The following HECW2 variants were observed in gnomAD, a reference collection of about 807,000 sequenced individuals.
HECW2 encodes the protein HECT, C2 and WW domain containing E3 ubiquitin protein ligase 2, also known as E3 ubiquitin-protein ligase HECW2.
In HECW2, 61 loss-of-function variants were observed where a neutral mutation model predicts 175.2. That is an observed-to-expected ratio of 0.35 (90% confidence interval 0.28 to 0.43). The LOEUF (loss-of-function observed/expected upper bound fraction) is 0.43, where lower values mean the gene tolerates loss of function less well. Among genes scored for constraint, HECW2 ranks in the 20% least tolerant of loss-of-function variants. HECW2 has a pLI of 1.00. For missense variants in HECW2, 1,524 were observed against 2,000.5 expected (o/e 0.76, Z 4.54); for synonymous variants, 671 against 731.0 (o/e 0.92, Z 1.32).
intron 1 of HECW2, among the ~76,000 whole-genome samples, chr2:196,529,736 A>G (rs1230563946): frequency 1.3e-5 from 2 of 152,248 alleles, no homozygotes; most frequent in Non-Finnish European, 2.9e-5. Flanking sequence ...AACAATTTGG[A>G]AAGCACCTGA....
chr2:196,299,460 A>G (rs1690949407), intron 13 of HECW2, among the ~76,000 whole-genome samples: 4 of 152,194 alleles, frequency 2.6e-5, no homozygotes, highest in Admixed American at 2.6e-4. Context: ...TCTTTATCCT[A>G]GGAGTTCCCA....
At chr2:196,336,302 T>C (rs1338786757) in intron 3 of HECW2, among the ~76,000 whole-genome samples, 1 of 152,246 alleles carries the variant, frequency 6.6e-6, no homozygotes, top group South Asian at 2.1e-4. Flanking sequence ...ACTTGCTTTT[T>C]TCCAAGACGA....
chr2:196,409,535 T>G (rs951286920), intron 2 of HECW2, among the ~76,000 whole-genome samples: 1 of 152,208 alleles, frequency 6.6e-6, no homozygotes, highest in African/African-American at 2.4e-5. Flanking sequence ...TGTTTCAGTC[T>G]GATGCATTTG....
At chr2:196,367,567 C>T (rs1203693505) in intron 2 of HECW2, among the ~76,000 whole-genome samples, 1 of 152,108 alleles carries the variant, frequency 6.6e-6, no homozygotes, top group African/African-American at 2.4e-5. Flanking sequence ...GTTGTGCTAC[C>T]AAATGCTAGA....
chr2:196,336,214 T>C (rs1463705619), intron 3 of HECW2, among the ~76,000 whole-genome samples: 1 of 152,210 alleles, frequency 6.6e-6, no homozygotes, highest in East Asian at 1.9e-4. Flanking sequence ...CAAATGACTT[T>C]CCTGAACACA....
chr2:196,573,248 CA>C (rs113834036), intron 1 of HECW2, among the ~76,000 whole-genome samples: 10,587 of 76,954 alleles, frequency 0.14, 1,150 homozygotes, highest in African/African-American at 0.36. Flanking sequence ...GAATGCTGAC[CA>C]AAAAAAAAAA....
At position 196,319,106 on chromosome 2, in the gene HECW2, A is replaced by G. The variant is rs1691831224; in HGVS notation, c.1784T>C (p.Val595Ala). Residue 595 changes from valine to alanine, a missense_variant, in exon 9 of 29, where the codon GTC becomes GCC. Val to Ala is a moderately conservative substitution (Grantham distance 64). Around this residue, in one of 11 missense-constraint regions of HECW2, gnomAD observed 604 missense variants for 588.3 expected, o/e 1.03. Transcript: ENST00000644978. ...SDASGGSRRA[V>A]SETESLDQGS... Reference sequence around the variant, plus strand: ...CTGATCGAGAGACTCGGTCTCACTGACGGCTCTTCGGCTTCCTCCTGATGC... The same window carrying G: ...CTGATCGAGAGACTCGGTCTCACTGGCGGCTCTTCGGCTTCCTCCTGATGC... The G allele has an allele frequency of 1.3e-6, 2 of 1,596,628 alleles. No individual in the cohort carries two copies. The highest frequency in any genetic ancestry group is 2.3e-5 in the South Asian group (2 of 87,982).
intron 2 of HECW2, among the ~76,000 whole-genome samples, chr2:196,429,215 T>C (rs1212231215): frequency 6.6e-6 from 1 of 150,636 alleles, no homozygotes; most frequent in African/African-American, 2.5e-5. Flanking sequence ...TGGATTAGCA[T>C]ACAAGTTTAG....
intron 19 of HECW2, among the ~76,000 whole-genome samples, chr2:196,251,181 C>T (rs112627051): frequency 0.016 from 2,452 of 152,242 alleles, 70 homozygotes; most frequent in African/African-American, 0.055. Flanking sequence ...GCTGGGACTT[C>T]CTGAGCCCTT....
chr2:196,533,474 T>G lies in HECW2; in HGVS notation c.-36+60034A>C, dbSNP rs552940786. 4.3e-3 allele frequency among the ~76,000 whole-genome samples: 651 copies of G among 151,636 alleles called. 3 individuals carry two copies. Among genetic ancestry groups the G allele is most frequent in the Non-Finnish European group, 6.3e-3 (425 of 67,740 alleles). ...GAGACTACTCATCTTTTTTTGTGTG[T>G]GTGGGGGGGTATCTTTTATCTAATT... On this transcript the variant is annotated intron_variant, in intron 1 of 28. Coordinates refer to ENST00000644978, the MANE Select transcript of HECW2 (RefSeq NM_001348768.2).
In HECW2 at chr2:196,317,378, A is replaced by C; in HGVS notation, c.2339-9T>G. 6.3e-7 allele frequency: 1 copy of C among 1,593,240 alleles called. No homozygotes were observed. The highest frequency in any genetic ancestry group is 1.1e-5 in the South Asian group (1 of 89,058). On this transcript the variant is annotated splice_polypyrimidine_tract_variant and intron_variant, in intron 9 of 28. Coordinates refer to ENST00000644978, the MANE Select transcript of HECW2 (RefSeq NM_001348768.2). ...GCCGTTGGCTTGAGAACCTAGGATT[A>C]AAGGTAGAAAGTTACCAGGTATTGT... is the stretch of plus-strand genomic sequence containing the variant.
chr2:196,383,688 G>T (rs1270109916), intron 2 of HECW2, among the ~76,000 whole-genome samples: 1 of 152,206 alleles, frequency 6.6e-6, no homozygotes, highest in Non-Finnish European at 1.5e-5. Context: ...CCTCAGTGGG[G>T]CAGTGACAGT....
chr2:196,326,763 C>T (rs541468797), intron 5 of HECW2, among the ~76,000 whole-genome samples: 34 of 152,170 alleles, frequency 2.2e-4, no homozygotes, highest in African/African-American at 6.7e-4. Context: ...AAATATATAG[C>T]AAGATCTTTG....
chr2:196,573,881 CAGTG>C (rs1559182757), intron 1 of HECW2, among the ~76,000 whole-genome samples: 1 of 151,100 alleles, frequency 6.6e-6, no homozygotes, highest in Non-Finnish European at 1.5e-5. Context: ...AAAAAAAAAA[CAGTG>C]AGAAATAATA....
intron 2 of HECW2, among the ~76,000 whole-genome samples, chr2:196,354,945 G>T (rs561793074): frequency 5.9e-5 from 9 of 152,278 alleles, no homozygotes; most frequent in African/African-American, 2.2e-4. Context: ...TCTTGACAAG[G>T]ATTTTCAGAA....
At chr2:196,358,585 C>CAAAAAAAAAAAAAAAA (rs144181608) in intron 2 of HECW2, among the ~76,000 whole-genome samples, 1 of 67,330 alleles carries the variant, frequency 1.5e-5, no homozygotes, top group African/African-American at 6.3e-5. Flanking sequence ...GACTCTGTCT[C>CAAAAAAAAAAAAAAAA]AAAAAAAAAA....
At chr2:196,499,674 T>C (rs1687513250) in intron 1 of HECW2, among the ~76,000 whole-genome samples, 1 of 152,176 alleles carries the variant, frequency 6.6e-6, no homozygotes, top group Non-Finnish European at 1.5e-5. Flanking sequence ...TTCAATTAAA[T>C]TCTGGGACTT....
intron 1 of HECW2, among the ~76,000 whole-genome samples, chr2:196,482,733 A>G (rs1270562169): frequency 6.6e-6 from 1 of 152,222 alleles, no homozygotes; most frequent in East Asian, 1.9e-4. Context: ...CGCATGCTCC[A>G]CTGTCCTATT....
intron 2 of HECW2, among the ~76,000 whole-genome samples, chr2:196,351,778 T>G (rs183681352): frequency 3.3e-4 from 50 of 152,368 alleles, no homozygotes; most frequent in Non-Finnish European, 4.4e-4. Flanking sequence ...CTTGATCTTA[T>G]TATGGGTACA....
Sources: gnomAD v4.1 joint callset for allele counts (sites outside exome capture counted in the v4.1 genomes callset) on GRCh38, gnomAD v4.1.1 for gene constraint, gnomAD v4.1.1 regional missense constraint, MANE v1.5 for transcripts, NCBI Gene and HGNC (gene_info 2026-07-23, HGNC 2026-07-21) for gene names.